The following ZNF83 variants were observed in gnomAD, a reference collection of about 807,000 sequenced individuals.
ZNF83 encodes zinc finger protein 83, also known as zinc finger protein 816B.
For missense variants in ZNF83, 552 were observed against 629.9 expected (o/e 0.88, Z 1.32); for synonymous variants, 209 against 213.0 (o/e 0.98, Z 0.17).
chr19:52,655,293 C>T lies in ZNF83; in HGVS notation c.-74+268G>A, dbSNP rs1292315270. ...GCCACCCTGACAATTCTGCTCAGGG[C>T]TACCAGGGGCATCTCTGCTTAGAGC... On this transcript the variant is annotated intron_variant, in intron 3 of 5. Coordinates refer to the ZNF83 transcript ENST00000594682. The T allele has an allele frequency of 9.0e-6, 3 of 331,636 alleles. No homozygotes were observed. The South Asian group carries it at 1.7e-4, about 18-fold the overall frequency. The allele number at this position is 331,636 out of a possible 1,614,324, so 20.5% of individuals were successfully genotyped here.
rs578234491 is a variant in ZNF83 at position 52,665,796 on chromosome 19, C to A, written c.-282-4953G>T. 3.3e-5 allele frequency among the ~76,000 whole-genome samples: 5 copies of A among 152,240 alleles called. No individual in the cohort carries two copies. The East Asian group carries it at 7.7e-4, about 24-fold the overall frequency. ...GGGCCTCATGCGTCTGGAGTAAGAA[C>A]CCCTTCCTGTCCCTTGCCCAAGTGT... On this transcript the variant is annotated intron_variant, in intron 1 of 5. Coordinates refer to the ZNF83 transcript ENST00000594682.
At chr19:52,665,506 TAG>T (rs2061638085) in intron 1 of ZNF83, among the ~76,000 whole-genome samples, 1 of 152,238 alleles carries the variant, frequency 6.6e-6, no homozygotes. Flanking sequence ...CTGCACTTGT[TAG>T]ATATGAGTTC....
At chr19:52,683,228 CTGTGTGTGTGTGTGTGTG>C (rs67463602) in intron 1 of ZNF83, among the ~76,000 whole-genome samples, 3,831 of 128,030 alleles carry the variant, frequency 0.03, 135 homozygotes, top group African/African-American at 0.096. Context: ...CCCTGTGACT[CTGTGTGTGTGTGTGTGTG>C]TGTGTGTGTG....
intron 3 of ZNF83, among the ~76,000 whole-genome samples, chr19:52,643,534 T>C (rs904048385): frequency 6.6e-6 from 1 of 151,690 alleles, no homozygotes; most frequent in African/African-American, 2.4e-5. Flanking sequence ...ACCCCATCTT[T>C]ACTAAAAATA....
intron 1 of ZNF83, among the ~76,000 whole-genome samples, chr19:52,685,786 T>G (rs2062004490): frequency 6.6e-6 from 1 of 151,474 alleles, no homozygotes; most frequent in South Asian, 2.1e-4. Flanking sequence ...TAATCCCAGC[T>G]ACTCAGGAGG....
intron 1 of ZNF83, among the ~76,000 whole-genome samples, chr19:52,687,630 A>AATTT (rs1555792750): frequency 7.8e-5 from 1 of 12,774 alleles, no homozygotes; most frequent in Non-Finnish European, 1.4e-4. Flanking sequence ...ATATATATAT[A>AATTT]ATGTATATAT....
At chr19:52,621,941 G>C (rs1304174442) in intron 2 of ZNF83, among the ~76,000 whole-genome samples, 2 of 148,384 alleles carry the variant, frequency 1.3e-5, no homozygotes, top group African/African-American at 4.9e-5. Flanking sequence ...AATGTGACTA[G>C]TCCCAAATGC....
intron 2 of ZNF83, among the ~76,000 whole-genome samples, chr19:52,625,182 TC>T (rs1407601320): frequency 1.3e-5 from 2 of 152,020 alleles, no homozygotes; most frequent in Non-Finnish European, 2.9e-5. Context: ...TCTGCCCCAC[TC>T]CCACAGCCTC....
At chr19:52,639,384 C>CT (rs1160706199), upstream of ZNF83, among the ~76,000 whole-genome samples, 6 of 124,334 alleles carry the variant, frequency 4.8e-5, no homozygotes, top group African/African-American at 1.9e-4. Context: ...CCGCGCCCGG[C>CT]TTATTTTCTT....
intron 2 of ZNF83, among the ~76,000 whole-genome samples, chr19:52,628,940 G>A (rs541517694): frequency 5.3e-5 from 8 of 150,914 alleles, no homozygotes; most frequent in East Asian, 2.0e-4. Context: ...TGCCCCAACC[G>A]CTTTCCCACT....
chr19:52,657,102 C>A (rs764186968), intron 2 of ZNF83, among the ~76,000 whole-genome samples: 3 of 148,156 alleles, frequency 2.0e-5, no homozygotes, highest in South Asian at 2.2e-4. Flanking sequence ...GGGGACACAG[C>A]GAGACCCTAT....
chr19:52,614,809 A>G lies in ZNF83; in HGVS notation c.-233-12T>C, dbSNP rs2060248019. On this transcript the variant is annotated splice_polypyrimidine_tract_variant and intron_variant, in intron 2 of 2. Coordinates refer to ENST00000301096, the Ensembl canonical transcript of ZNF83. ...TTTAGAAAAAATACCTACAAGATATAAGGATCCCACAGTTTCCAATTAATT... is the reference window on the plus strand; with the variant it reads ...TTTAGAAAAAATACCTACAAGATATGAGGATCCCACAGTTTCCAATTAATT... The G allele has an allele frequency of 1.6e-6, 2 of 1,274,714 alleles. No homozygotes were observed. Among genetic ancestry groups the G allele is most frequent in the Non-Finnish European group, 2.0e-6 (2 of 1,003,184 alleles). The allele number at this position is 1,274,714 out of a possible 1,614,324, so 79.0% of individuals were successfully genotyped here. A position where few individuals can be genotyped will look rare whatever the true frequency, so the allele number is the denominator to read the frequency against.
chr19:52,645,160 T>C (rs2061356512), intron 3 of ZNF83, among the ~76,000 whole-genome samples: 2 of 151,794 alleles, frequency 1.3e-5, no homozygotes, highest in African/African-American at 2.4e-5. Context: ...ACAAATGACA[T>C]AAGGAAAGAA....
intron 1 of ZNF83, among the ~76,000 whole-genome samples, chr19:52,667,300 TAAATC>T (rs2061668048): frequency 6.7e-6 from 1 of 149,510 alleles, no homozygotes; most frequent in Admixed American, 6.7e-5. Flanking sequence ...TGTCCTAAAA[TAAATC>T]AAATGGTGGT....
intron 1 of ZNF83, among the ~76,000 whole-genome samples, chr19:52,664,001 C>T (rs1245087773): frequency 1.3e-5 from 2 of 152,186 alleles, no homozygotes; most frequent in Non-Finnish European, 2.9e-5. Context: ...ATTCTCCTGC[C>T]TGTCTCCCCA....
Position 52,686,661 on chromosome 19 carries a change from C to T in ZNF83, c.-283+3782G>A, listed in dbSNP as rs1029858356. On this transcript the variant is annotated intron_variant, in intron 1 of 5. Coordinates refer to the ZNF83 transcript ENST00000594682. ...TGATTTCAGCTCACTGCAACCTCTA[C>T]CTCCCAGGTTCAAGTGATTGTGTAC... Among the ~76,000 whole-genome samples the T allele has an allele frequency of 3.3e-5, 5 of 152,194 alleles. No individual in the cohort carries two copies. In the South Asian group the frequency reaches 8.3e-4, roughly 25 times the overall value.
intron 2 of ZNF83, among the ~76,000 whole-genome samples, chr19:52,627,134 T>A (rs1000410968): frequency 6.6e-6 from 1 of 152,176 alleles, no homozygotes; most frequent in African/African-American, 2.4e-5. Flanking sequence ...CTGCTGACAA[T>A]AGATAACCAC....
chr19:52,679,693 C>T (rs749375685), intron 1 of ZNF83, among the ~76,000 whole-genome samples: 1 of 152,176 alleles, frequency 6.6e-6, no homozygotes, highest in Non-Finnish European at 1.5e-5. Flanking sequence ...TAACCTGGTC[C>T]ACGCTGACAA....
chr19:52,685,677 A>G (rs1432533450), intron 1 of ZNF83, among the ~76,000 whole-genome samples: 1 of 152,050 alleles, frequency 6.6e-6, no homozygotes, highest in Non-Finnish European at 1.5e-5. Context: ...TGGGCAGATC[A>G]CCTGAGGTCA....
Sources: allele counts gnomAD v4.1 joint callset (sites outside exome capture counted in the v4.1 genomes callset), GRCh38; gene constraint gnomAD v4.1.1; transcripts MANE v1.5; gene names NCBI Gene and HGNC (gene_info 2026-07-23, HGNC 2026-07-21).